Variants in CMSS1 observed in about 807,000 individuals in gnomAD.
The protein encoded by CMSS1 is cms1 ribosomal small subunit homolog, also known as protein CMSS1.
A neutral mutation model predicts 43.5 loss-of-function variants in CMSS1; 33 were observed. The observed-to-expected ratio is 0.76, with a 90% CI of 0.57 to 1.01. The LOEUF (loss-of-function observed/expected upper bound fraction) is 1.01. CMSS1 is among the 50% of genes least tolerant of loss of function. The pLI is 0.00. For synonymous variants in CMSS1, 115 were observed against 117.2 expected, an observed-to-expected ratio of 0.98 and a Z score of 0.12; for missense variants, 313 against 326.4, an observed-to-expected ratio of 0.96 and a Z score of 0.32.
At chr3:99,929,809 T>TA in intron 1 of CMSS1, 1 of 1,419,458 alleles carries the variant, frequency 7.0e-7, no homozygotes, top group Non-Finnish European at 9.6e-7. Flanking sequence ...TCTGCAGGGC[T>TA]AGTGCTTGGC....
At chr3:99,969,337 G>A (rs1316296054) in intron 1 of CMSS1, among the ~76,000 whole-genome samples, 1 of 152,198 alleles carries the variant, frequency 6.6e-6, no homozygotes, top group Non-Finnish European at 1.5e-5. Flanking sequence ...TGGTAACATT[G>A]CTTAGTAAAA....
At chr3:100,006,179 C>A (rs971143003) in intron 1 of CMSS1, among the ~76,000 whole-genome samples, 16 of 152,130 alleles carry the variant, frequency 1.1e-4, no homozygotes, top group Admixed American at 7.2e-4. Flanking sequence ...GGGGCTGGGG[C>A]AGTAAGACAG....
intron 1 of CMSS1, among the ~76,000 whole-genome samples, chr3:99,825,808 G>C (rs1204040187): frequency 2.2e-5 from 1 of 46,494 alleles, no homozygotes; most frequent in Non-Finnish European, 4.1e-5. Flanking sequence ...ACAGAGTTTT[G>C]CTCTTGTCCC....
chr3:100,151,177 T>C (rs2066904822), intron 2 of CMSS1, among the ~76,000 whole-genome samples: 2 of 152,252 alleles, frequency 1.3e-5, no homozygotes, highest in Non-Finnish European at 2.9e-5. Flanking sequence ...AACAGAGCTG[T>C]GTCCTATTCA....
In CMSS1 at chr3:99,998,072, C is replaced by A. The variant is rs376394225; in HGVS notation, c.65-148901C>A. Among the ~76,000 whole-genome samples, 366 of 152,318 alleles carry A rather than the reference C, an allele frequency of 2.4e-3. 1 individual carries two copies. Among genetic ancestry groups the A allele is most frequent in the African/African-American group, 8.3e-3 (345 of 41,574 alleles). ...ACAAGTTAACTAGTGTTTAGTTTAA[C>A]TTGTGAGTTAAAACCAGTTAACTGG... On this transcript the variant is annotated intron_variant, in intron 1 of 9. Transcript: ENST00000421999.
At chr3:99,824,294 G>C (rs1434467678) in intron 1 of CMSS1, among the ~76,000 whole-genome samples, 1 of 152,190 alleles carries the variant, frequency 6.6e-6, no homozygotes, top group Non-Finnish European at 1.5e-5. Flanking sequence ...TGATCAGGCA[G>C]TCTAGAGTAA....
intron 1 of CMSS1, among the ~76,000 whole-genome samples, chr3:100,008,727 C>T (rs1710059514): frequency 6.6e-6 from 1 of 152,314 alleles, no homozygotes; most frequent in East Asian, 1.9e-4. Flanking sequence ...GCTAGCCTTG[C>T]TTCTCTTACT....
intron 1 of CMSS1, among the ~76,000 whole-genome samples, chr3:100,049,112 T>A (rs888967643): frequency 1.3e-5 from 2 of 152,236 alleles, no homozygotes; most frequent in South Asian, 4.1e-4. Flanking sequence ...TGTCTGACAA[T>A]TGCAAACAGT....
rs575757131 is a variant in CMSS1 at position 99,890,966 on chromosome 3, G to A, written c.64+72923G>A. On this transcript the variant is annotated intron_variant, in intron 1 of 9. Transcript: ENST00000421999. ...TCCTCTAGAGAGGATTTCCATTTGT[G>A]CCAAATGCCAAAGGGGTATTTTCAG... 1.6e-4 allele frequency among the ~76,000 whole-genome samples: 24 copies of A among 152,146 alleles called. 2 individuals carry two copies. The South Asian group carries it at 4.1e-3, about 26-fold the overall frequency.
intron 1 of CMSS1, among the ~76,000 whole-genome samples, chr3:100,138,891 G>T (rs548162732): frequency 4.5e-4 from 68 of 152,246 alleles, no homozygotes; most frequent in African/African-American, 1.5e-3. Context: ...ACACATGCAC[G>T]CGTATGTTTA....
At chr3:99,866,444 T>A (rs1368281414) in intron 1 of CMSS1, among the ~76,000 whole-genome samples, 1 of 152,152 alleles carries the variant, frequency 6.6e-6, no homozygotes, top group Non-Finnish European at 1.5e-5. Context: ...TGTTTTACTG[T>A]GACTACTGAA....
intron 1 of CMSS1, among the ~76,000 whole-genome samples, chr3:99,947,299 A>G (rs1408128297): frequency 1.3e-5 from 2 of 152,254 alleles, no homozygotes; most frequent in South Asian, 4.1e-4. Context: ...TGTATCTGTT[A>G]TACTATACAT....
At chr3:99,842,992 C>T (rs1212767400) in intron 1 of CMSS1, among the ~76,000 whole-genome samples, 1 of 152,142 alleles carries the variant, frequency 6.6e-6, no homozygotes, top group East Asian at 1.9e-4. Flanking sequence ...CTTGATGTAC[C>T]TTGAGGAATG....
At chr3:100,056,948 G>C (rs1355642492) in intron 1 of CMSS1, among the ~76,000 whole-genome samples, 1 of 152,088 alleles carries the variant, frequency 6.6e-6, no homozygotes, top group East Asian at 1.9e-4. Flanking sequence ...AGCTTGCAGT[G>C]AGCCGAGATC....
intron 1 of CMSS1, among the ~76,000 whole-genome samples, chr3:99,998,143 C>A (rs1709736538): frequency 6.6e-6 from 1 of 152,218 alleles, no homozygotes; most frequent in Non-Finnish European, 1.5e-5. Flanking sequence ...AGTTTCTAAT[C>A]TCAGCAAGAT....
chr3:99,930,645 T>C (rs527589826), intron 1 of CMSS1: 13 of 993,972 alleles, frequency 1.3e-5, no homozygotes, highest in Non-Finnish European at 1.9e-5. Context: ...TATATACTTA[T>C]GCTTTGCTTT....
intron 1 of CMSS1, among the ~76,000 whole-genome samples, chr3:99,890,485 G>T (rs1706049608): frequency 6.6e-6 from 1 of 151,986 alleles, no homozygotes; most frequent in Non-Finnish European, 1.5e-5. Context: ...TTATAACCTA[G>T]ATTAGACACA....
intron 1 of CMSS1, among the ~76,000 whole-genome samples, chr3:99,994,403 A>T (rs1417004174): frequency 6.6e-6 from 1 of 152,244 alleles, no homozygotes; most frequent in Non-Finnish European, 1.5e-5. Context: ...GACATTTACA[A>T]CAACATTCTT....
intron 1 of CMSS1, among the ~76,000 whole-genome samples, chr3:99,827,217 A>G (rs979414482): frequency 6.6e-6 from 1 of 152,130 alleles, no homozygotes; most frequent in Non-Finnish European, 1.5e-5. Context: ...TTTGAGACAG[A>G]GTCTCACTCT....
Sources: gnomAD v4.1 joint callset for allele counts (sites outside exome capture counted in the v4.1 genomes callset) on GRCh38, gnomAD v4.1.1 for gene constraint, MANE v1.5 for transcripts, NCBI Gene and HGNC (gene_info 2026-07-23, HGNC 2026-07-21) for gene names.